Variants in GPHN observed in about 807,000 individuals in gnomAD.
GPHN encodes gephyrin.
In GPHN, 17 loss-of-function variants were observed where a neutral mutation model predicts 95.5. That is an observed-to-expected ratio of 0.18 (90% CI 0.12 to 0.27). The LOEUF (loss-of-function observed/expected upper bound fraction) is 0.27, where lower values mean the gene tolerates loss of function less well. Ranked by LOEUF, GPHN falls within the 10% of genes least tolerant of loss-of-function variation. The pLI is 1.00. For missense variants in GPHN, 660 were observed against 978.1 expected (o/e 0.67, Z 4.34); for synonymous variants, 320 against 322.5 (o/e 0.99, Z 0.08).
chr14:67,302,571 G>T, the GPHN span: 1 of 1,489,366 alleles, frequency 6.7e-7, no homozygotes. Context: ...TTGACTTGTT[G>T]GTAAGTTGAC....
At chr14:67,284,438 A>AAAAAAAAAAAAAAAAAC in the GPHN span, among the ~76,000 whole-genome samples, 1 of 145,810 alleles carries the variant, frequency 6.9e-6, no homozygotes, top group Non-Finnish European at 1.5e-5. Context: ...TTAAAAAAAA[A>AAAAAAAAAAAAAAAAAC]AAAAAACAGC....
At chr14:66,545,223 C>G (rs2059508627) in intron 1 of GPHN, among the ~76,000 whole-genome samples, 1 of 149,166 alleles carries the variant, frequency 6.7e-6, no homozygotes, top group Non-Finnish European at 1.5e-5. Context: ...CCCCCCACCT[C>G]CCTCCCGGAC....
intron 17 of GPHN, among the ~76,000 whole-genome samples, chr14:67,127,377 TA>T (rs1048854435): frequency 6.6e-6 from 1 of 152,164 alleles, no homozygotes; most frequent in African/African-American, 2.4e-5. Context: ...CGAATTGACA[TA>T]AAAAACAATT....
At chr14:67,540,426 G>A in the GPHN span, among the ~76,000 whole-genome samples, 2 of 152,038 alleles carry the variant, frequency 1.3e-5, no homozygotes, top group Non-Finnish European at 2.9e-5. Flanking sequence ...AGGAGTTCAA[G>A]ACCAGCCTGG....
chr14:66,928,851 GT>G, intron 8 of GPHN, among the ~76,000 whole-genome samples: 1 of 152,022 alleles, frequency 6.6e-6, no homozygotes, highest in Middle Eastern at 3.4e-3. Flanking sequence ...TTGATTTCTA[GT>G]TTTATGCTGT....
At chr14:66,849,530 T>G (rs2062489585) in intron 4 of GPHN, among the ~76,000 whole-genome samples, 1 of 152,200 alleles carries the variant, frequency 6.6e-6, no homozygotes, top group Admixed American at 6.5e-5. Context: ...CATTAATCAT[T>G]GTTAATCTTA....
intron 4 of GPHN, among the ~76,000 whole-genome samples, chr14:66,870,588 T>G (rs1013793409): frequency 6.6e-6 from 1 of 152,178 alleles, no homozygotes; most frequent in Admixed American, 6.5e-5. Context: ...CTGAAAAATA[T>G]TTTAGATGGC....
the GPHN span, among the ~76,000 whole-genome samples, chr14:67,390,442 A>G: frequency 6.6e-6 from 1 of 152,194 alleles, no homozygotes; most frequent in Non-Finnish European, 1.5e-5. Context: ...CCCATGGGAA[A>G]GTGGGGGATT....
At chr14:67,659,978 A>G in the GPHN span, 22 of 1,538,822 alleles carry the variant, frequency 1.4e-5, no homozygotes, top group Non-Finnish European at 1.9e-5. Context: ...ACTCATTTGG[A>G]AATATGCCTA....
In GPHN at chr14:67,100,945, T is replaced by G. The variant is rs190523067; in HGVS notation, c.1293+34T>G. On this transcript the variant is annotated intron_variant, in intron 13 of 22. Transcript: ENST00000478722. ...GATAGGCCTGAAAGGCACTGAAGAT[T>G]TCAGCTTCATGGACTTTGGGCATCT... The G allele has an allele frequency of 4.2e-5, 54 of 1,281,330 alleles. No individual in the cohort carries two copies. The East Asian group carries it at 1.2e-3, about 28-fold the overall frequency. 79.4% of individuals were successfully genotyped at this position (1,281,330 alleles called of 1,614,324 possible).
At chr14:66,926,850 C>T (rs1217692233) in intron 8 of GPHN, among the ~76,000 whole-genome samples, 1 of 152,102 alleles carries the variant, frequency 6.6e-6, no homozygotes, top group Non-Finnish European at 1.5e-5. Flanking sequence ...GACATTTTAA[C>T]GATATTGATT....
chr14:67,049,864 G>A (rs2075227208), intron 10 of GPHN, among the ~76,000 whole-genome samples: 1 of 152,146 alleles, frequency 6.6e-6, no homozygotes, highest in African/African-American at 2.4e-5. Context: ...TTTGGGGTGA[G>A]TCTTGAGTGG....
chr14:67,481,310 A>T, the GPHN span, among the ~76,000 whole-genome samples: 2 of 152,170 alleles, frequency 1.3e-5, no homozygotes, highest in Non-Finnish European at 2.9e-5. Context: ...AAGAAAAACA[A>T]AAAAGCGAGA....
chr14:66,675,146 G>GTTT (rs60014934), intron 1 of GPHN, among the ~76,000 whole-genome samples: 23,531 of 135,206 alleles, frequency 0.17, 3,988 homozygotes, highest in East Asian at 0.44. Context: ...TCTTTTTCCA[G>GTTT]TTTTTTTTTT....
chr14:66,655,107 C>G (rs187080905), intron 1 of GPHN, among the ~76,000 whole-genome samples: 94 of 152,186 alleles, frequency 6.2e-4, no homozygotes, highest in African/African-American at 2.0e-3. Flanking sequence ...AATTCCTTTG[C>G]CTTTCCATGT....
chr14:66,819,375 T>A (rs1234808943), intron 3 of GPHN, among the ~76,000 whole-genome samples: 1 of 152,182 alleles, frequency 6.6e-6, no homozygotes, highest in African/African-American at 2.4e-5. Context: ...TTTTCAAAGA[T>A]CAGAGAGTTG....
chr14:67,007,776 T>A (rs1815895486), intron 9 of GPHN, among the ~76,000 whole-genome samples: 1 of 152,170 alleles, frequency 6.6e-6, no homozygotes, highest in Non-Finnish European at 1.5e-5. Context: ...CAGCTAGAGT[T>A]ATCTACCTGG....
chr14:67,567,400 C>T, the GPHN span, among the ~76,000 whole-genome samples: 2 of 152,194 alleles, frequency 1.3e-5, no homozygotes, highest in East Asian at 1.9e-4. Context: ...TCATAGGTTT[C>T]GTTTTACCTA....
chr14:67,358,365 C>T, the GPHN span, among the ~76,000 whole-genome samples: 6 of 152,140 alleles, frequency 3.9e-5, no homozygotes, highest in Admixed American at 1.3e-4. Flanking sequence ...TATTTAGTCA[C>T]CGGGCAGAAA....
Sources: gnomAD v4.1 joint callset for allele counts (sites outside exome capture counted in the v4.1 genomes callset) on GRCh38, gnomAD v4.1.1 for gene constraint, MANE v1.5 for transcripts, NCBI Gene and HGNC (gene_info 2026-07-23, HGNC 2026-07-21) for gene names.